TXNL4A: variants seen among roughly 807,000 people sequenced by gnomAD.
TXNL4A encodes thioredoxin like 4A, also known as thioredoxin-like protein 4A.
TXNL4A carries 17 observed loss-of-function variants against 14.6 expected under a neutral mutation model. The ratio of observed to expected loss-of-function variants is 1.16; its 90% confidence interval spans 0.80 to 1.74. The LOEUF (loss-of-function observed/expected upper bound fraction) is 1.74, where lower values mean the gene tolerates loss of function less well. TXNL4A is among the 40% of genes most tolerant of loss of function. The pLI, the probability that TXNL4A is intolerant of heterozygous loss-of-function variation, is 0.00. For missense variants in TXNL4A, 74 were observed against 195.2 expected (o/e 0.38, Z 3.70); for synonymous variants, 83 against 70.6 (o/e 1.18, Z -0.88).
rs2051308241 is a variant in TXNL4A at position 79,972,103 on chromosome 18, C to G, written c.*1582G>C. The G allele has an allele frequency of 6.6e-6, 1 of 152,254 alleles. No individual in the cohort carries two copies. The highest frequency in any genetic ancestry group is 2.1e-4 in the South Asian group (1 of 4,832). The allele number at this position is 152,254 out of a possible 1,614,324, so 9.4% of individuals were successfully genotyped here. A position where few individuals can be genotyped will look rare whatever the true frequency, so the allele number is the denominator to read the frequency against. On this transcript the variant is annotated 3_prime_UTR_variant, in exon 3 of 3. Coordinates refer to ENST00000269601, the MANE Select transcript of TXNL4A (RefSeq NM_006701.5). ...AAATGTGCTTCATTCTGTAAGTACC[C>G]TCCCGTTTCCACAACAGCAATCAAT...
intron 1 of TXNL4A, among the ~76,000 whole-genome samples, chr18:80,026,112 T>C (rs1310628722): frequency 6.6e-6 from 1 of 152,204 alleles, no homozygotes; most frequent in African/African-American, 2.4e-5. Context: ...TTAAACGGAC[T>C]AGATGATGAT....
chr18:80,004,962 A>G (rs2051720109), intron 1 of TXNL4A, among the ~76,000 whole-genome samples: 1 of 152,236 alleles, frequency 6.6e-6, no homozygotes, highest in African/African-American at 2.4e-5. Flanking sequence ...TAGAAACAGG[A>G]TGAATTGGCT....
At position 79,973,040 on chromosome 18, in the gene TXNL4A, A is replaced by G. The variant is rs1369629498; in HGVS notation, c.*645T>C. 1 of 152,186 alleles carries G rather than the reference A, an allele frequency of 6.6e-6. No homozygotes were observed. Among genetic ancestry groups the G allele is most frequent in the Non-Finnish European group, 1.5e-5 (1 of 68,046 alleles). 9.4% of individuals were successfully genotyped at this position (152,186 alleles called of 1,614,324 possible). A position where few individuals can be genotyped will look rare whatever the true frequency, so the allele number is the denominator to read the frequency against. ...GTGGACATAAGATCCTTGCAAATGT[A>G]ATTAGTTAAGATTAGGCCATGCTGG... On this transcript the variant is annotated 3_prime_UTR_variant, in exon 3 of 3. Transcript: ENST00000269601.
chr18:80,025,811 C>T (rs1223097993), intron 1 of TXNL4A, among the ~76,000 whole-genome samples: 1 of 152,170 alleles, frequency 6.6e-6, no homozygotes, highest in Non-Finnish European at 1.5e-5. Context: ...AATGGTCAGA[C>T]CCTATAACAG....
intron 1 of TXNL4A, among the ~76,000 whole-genome samples, chr18:80,018,058 T>A (rs2051823955): frequency 1.3e-5 from 2 of 152,204 alleles, no homozygotes; most frequent in South Asian, 4.2e-4. Flanking sequence ...ATTGGTCTAT[T>A]CAGAGATTCA....
intron 1 of TXNL4A, among the ~76,000 whole-genome samples, chr18:80,005,447 A>T (rs914718438): frequency 3.3e-5 from 5 of 152,244 alleles, no homozygotes; most frequent in African/African-American, 1.2e-4. Flanking sequence ...TGTATTATTT[A>T]AAATGTCTAC....
intron 1 of TXNL4A, among the ~76,000 whole-genome samples, chr18:80,008,239 G>A (rs773713627): frequency 6.6e-6 from 1 of 152,186 alleles, no homozygotes; most frequent in Non-Finnish European, 1.5e-5. Context: ...TTGTTTTTCA[G>A]ATGTAAATGT....
chr18:79,995,188 C>T (rs1485867652), intron 1 of TXNL4A: 1 of 152,178 alleles, frequency 6.6e-6, no homozygotes, highest in Non-Finnish European at 1.5e-5. Context: ...ATCTATGACC[C>T]GGGTCATTCA....
chr18:79,977,535 T>C, intron 2 of TXNL4A, 63 bp downstream of exon 2: 1 of 1,332,052 alleles, frequency 7.5e-7, no homozygotes, highest in Non-Finnish European at 1.1e-6. Flanking sequence ...AAAGAGATCT[T>C]GATTACATTA....
intron 1 of TXNL4A, among the ~76,000 whole-genome samples, chr18:80,017,532 G>A (rs918427244): frequency 4.6e-5 from 7 of 152,106 alleles, no homozygotes; most frequent in East Asian, 3.9e-4. Context: ...TTTGAGATAC[G>A]TCCCATCAAT....
At chr18:79,996,120 A>AAC (rs1568373084) in intron 1 of TXNL4A, among the ~76,000 whole-genome samples, 4 of 151,000 alleles carry the variant, frequency 2.6e-5, no homozygotes, top group South Asian at 2.1e-4. Context: ...AAAAAAAAAA[A>AAC]AAAAAAACGG....
chr18:79,995,959 C>A (rs2051658042), intron 1 of TXNL4A, among the ~76,000 whole-genome samples: 2 of 151,934 alleles, frequency 1.3e-5, no homozygotes, highest in Non-Finnish European at 2.9e-5. Flanking sequence ...AAAAAATTAG[C>A]CGGGCATGGT....
At chr18:79,981,585 T>C (rs2051465134) in intron 1 of TXNL4A, among the ~76,000 whole-genome samples, 1 of 152,196 alleles carries the variant, frequency 6.6e-6, no homozygotes, top group Admixed American at 6.5e-5. Flanking sequence ...GGCAGGAGAA[T>C]CACCTGAACC....
chr18:80,018,416 A>G (rs2038559723), intron 1 of TXNL4A, among the ~76,000 whole-genome samples: 1 of 152,226 alleles, frequency 6.6e-6, no homozygotes, highest in African/African-American at 2.4e-5. Context: ...TAACATCGCA[A>G]TTAAAAGAAC....
At position 79,973,853 on chromosome 18, in the gene TXNL4A, G is replaced by T; in HGVS notation, c.261C>A (p.Asn87Lys). ...DPCTVMFFFR[N>K]KHIMIDLGTG... is the part of the protein sequence containing the mutation. ...TCCCCAAGTCAATCATGATGTGCTT[G>T]TTCCTGCAACGAGAAACAAGGGCAT... The change falls in exon 3 of 3, where the codon AAC becomes AAA. Residue 87 changes from asparagine to lysine, a missense_variant. Physicochemically the swap from Asn to Lys is moderately conservative, Grantham distance 94. This residue lies in a region of TXNL4A where 55 missense variants were observed against 116.1 expected (regional missense o/e 0.47). Coordinates refer to ENST00000269601, the MANE Select transcript of TXNL4A (RefSeq NM_006701.5). 6.2e-7 allele frequency: 1 copy of T among 1,613,060 alleles called. No homozygotes were observed. Among genetic ancestry groups the T allele is most frequent in the Non-Finnish European group, 8.5e-7 (1 of 1,179,690 alleles).
intron 1 of TXNL4A, among the ~76,000 whole-genome samples, chr18:79,999,209 C>T (rs577046997): frequency 1.3e-5 from 2 of 152,188 alleles, no homozygotes; most frequent in East Asian, 3.9e-4. Flanking sequence ...CTCAGGGCAA[C>T]CCATAAAAAA....
intron 1 of TXNL4A, among the ~76,000 whole-genome samples, chr18:80,024,524 T>C (rs1022043144): frequency 6.6e-6 from 1 of 152,150 alleles, no homozygotes; most frequent in Non-Finnish European, 1.5e-5. Context: ...CAATCAGATG[T>C]GACCAACTCT....
intron 1 of TXNL4A, among the ~76,000 whole-genome samples, chr18:80,031,080 A>G (rs968967241): frequency 6.6e-6 from 1 of 152,252 alleles, no homozygotes; most frequent in Admixed American, 6.5e-5. Flanking sequence ...AACTAAAACA[A>G]AGTGGTGACC....
At chr18:80,020,575 G>T (rs141352555) in intron 1 of TXNL4A, among the ~76,000 whole-genome samples, 143 of 152,250 alleles carry the variant, frequency 9.4e-4, no homozygotes, top group African/African-American at 3.3e-3. Context: ...AACTCCCAAG[G>T]CTATTCCCTT....
Sources: gnomAD v4.1 joint callset for allele counts (sites outside exome capture counted in the v4.1 genomes callset) on GRCh38, gnomAD v4.1.1 for gene constraint, gnomAD v4.1.1 regional missense constraint, MANE v1.5 for transcripts, NCBI Gene and HGNC (gene_info 2026-07-23, HGNC 2026-07-21) for gene names.